HPSE2: variants seen among roughly 807,000 people sequenced by gnomAD.
HPSE2 encodes the protein inactive heparanase-2.
HPSE2 carries 38 observed loss-of-function variants against 60.5 expected under a neutral mutation model. That is an observed-to-expected ratio of 0.63 (90% CI 0.48 to 0.82). HPSE2 has a LOEUF of 0.82. Among genes scored for constraint, HPSE2 ranks in the 40% least tolerant of loss-of-function variants. The probability of loss-of-function intolerance (pLI) is 0.00; values close to 1 mark genes in which losing one functional copy is unlikely to be tolerated. For missense variants in HPSE2, 713 were observed against 740.4 expected, an observed-to-expected ratio of 0.96 and a Z score of 0.43; for synonymous variants, 295 against 293.2, an observed-to-expected ratio of 1.01 and a Z score of -0.06.
At chr10:98,675,208 G>C (rs1266963158) in intron 6 of HPSE2, among the ~76,000 whole-genome samples, 1 of 151,968 alleles carries the variant, frequency 6.6e-6, no homozygotes, top group Non-Finnish European at 1.5e-5. Context: ...ACTTCCCTAA[G>C]GTGTCTGCTT....
intron 5 of HPSE2, among the ~76,000 whole-genome samples, chr10:98,709,532 G>C (rs1948627248): frequency 6.6e-6 from 1 of 152,216 alleles, no homozygotes; most frequent in Non-Finnish European, 1.5e-5. Flanking sequence ...ACAGAAAAGT[G>C]TAAGAGAGGG....
At chr10:98,666,735 T>C (rs1245755097) in intron 6 of HPSE2, among the ~76,000 whole-genome samples, 1 of 152,090 alleles carries the variant, frequency 6.6e-6, no homozygotes, top group Non-Finnish European at 1.5e-5. Context: ...TTGAAACTAA[T>C]GAAAATGGAA....
Position 99,144,308 on chromosome 10 carries a change from C to T in HPSE2, c.540G>A (p.Lys180=). The change falls in exon 3 of 12, where the codon AAG becomes AAA. Residue 180 remains lysine (K), a synonymous_variant. Coordinates refer to ENST00000370552, the MANE Select transcript of HPSE2 (RefSeq NM_021828.5). ...PDVMLELQRE[K]AAQMHLVLLK... Reference sequence around the variant, plus strand: ...GAAGAACCAGATGCATCTGAGCTGCCTTCTCCCTTTGGAGCTCCAGCATAA... The same window carrying T: ...GAAGAACCAGATGCATCTGAGCTGCTTTCTCCCTTTGGAGCTCCAGCATAA... 1 of 1,614,120 alleles carries T rather than the reference C, an allele frequency of 6.2e-7. No homozygotes were observed. Among genetic ancestry groups the T allele is most frequent in the Non-Finnish European group, 8.5e-7 (1 of 1,180,016 alleles).
intron 3 of HPSE2, among the ~76,000 whole-genome samples, chr10:99,085,185 T>C (rs1670381930): frequency 6.6e-6 from 1 of 152,204 alleles, no homozygotes; most frequent in Admixed American, 6.5e-5. Context: ...GAGGGATCTC[T>C]CTTACTAGAT....
At chr10:99,150,785 G>A (rs12779770) in intron 2 of HPSE2, among the ~76,000 whole-genome samples, 7,151 of 151,974 alleles carry the variant, frequency 0.047, 232 homozygotes, top group Non-Finnish European at 0.071. Flanking sequence ...GGGAGGCTAC[G>A]CACAAACATG....
intron 6 of HPSE2, among the ~76,000 whole-genome samples, chr10:98,683,646 AAAAGT>A (rs1461255612): frequency 2.0e-5 from 3 of 151,952 alleles, no homozygotes; most frequent in Non-Finnish European, 4.4e-5. Context: ...AAAAGAGAGG[AAAAGT>A]AAAGAAGAGA....
chr10:98,960,815 T>G (rs1202540085), intron 3 of HPSE2, among the ~76,000 whole-genome samples: 4 of 145,890 alleles, frequency 2.7e-5, no homozygotes, highest in Admixed American at 6.9e-5. Context: ...TGTATACATG[T>G]GCCATGCTGG....
At chr10:98,491,710 G>A (rs1191357696) in intron 9 of HPSE2, among the ~76,000 whole-genome samples, 1 of 152,048 alleles carries the variant, frequency 6.6e-6, no homozygotes, top group African/African-American at 2.4e-5. Context: ...TGTTTCAAGG[G>A]GTATCTCAGG....
At chr10:99,312,517 C>T in the HPSE2 span, among the ~76,000 whole-genome samples, 2 of 152,186 alleles carry the variant, frequency 1.3e-5, no homozygotes, top group East Asian at 1.9e-4. Context: ...CATCTGTTTA[C>T]AGCAAACTTT....
At chr10:98,510,562 C>T (rs1019398528) in intron 9 of HPSE2, among the ~76,000 whole-genome samples, 4 of 152,212 alleles carry the variant, frequency 2.6e-5, no homozygotes, top group Admixed American at 2.6e-4. Context: ...GGACTGTCTA[C>T]ACTGCAGGCC....
intron 9 of HPSE2, among the ~76,000 whole-genome samples, chr10:98,548,241 T>C (rs534325344): frequency 6.6e-6 from 1 of 152,184 alleles, no homozygotes; most frequent in East Asian, 1.9e-4. Flanking sequence ...GATGACTTAG[T>C]GAATGGTGCT....
At chr10:99,275,853 G>A in the HPSE2 span, among the ~76,000 whole-genome samples, 7 of 152,134 alleles carry the variant, frequency 4.6e-5, no homozygotes, top group Non-Finnish European at 8.8e-5. Flanking sequence ...GGGACTGTAA[G>A]AGAACCCTTC....
chr10:99,207,113 CTG>C (rs1394582325), intron 2 of HPSE2, among the ~76,000 whole-genome samples: 2 of 152,062 alleles, frequency 1.3e-5, no homozygotes, highest in East Asian at 3.9e-4. Flanking sequence ...TATCATCAAA[CTG>C]TTAAAAATCA....
intron 3 of HPSE2, among the ~76,000 whole-genome samples, chr10:99,011,118 T>TTTC (rs2135399834): frequency 7.4e-6 from 1 of 134,370 alleles, no homozygotes; most frequent in African/African-American, 2.8e-5. Flanking sequence ...GGTATTTAGT[T>TTTC]TTCTGTTCCT....
the HPSE2 span, among the ~76,000 whole-genome samples, chr10:99,249,840 T>C: frequency 6.6e-6 from 1 of 152,228 alleles, no homozygotes; most frequent in Admixed American, 6.5e-5. Flanking sequence ...TCATGAAATC[T>C]GGTTGTTTAA....
At chr10:99,061,737 T>C (rs1842450859) in intron 3 of HPSE2, among the ~76,000 whole-genome samples, 2 of 152,214 alleles carry the variant, frequency 1.3e-5, no homozygotes, top group Admixed American at 1.3e-4. Flanking sequence ...TACTAGCTGT[T>C]TGAGCTTGGG....
At chr10:99,251,982 T>C in the HPSE2 span, among the ~76,000 whole-genome samples, 25 of 151,666 alleles carry the variant, frequency 1.6e-4, no homozygotes, top group Admixed American at 1.1e-3. Context: ...AAGGCTGCAG[T>C]TGGCCATGAT....
chr10:98,712,776 G>A (rs1020997684), intron 5 of HPSE2, among the ~76,000 whole-genome samples: 3 of 151,980 alleles, frequency 2.0e-5, no homozygotes, highest in Non-Finnish European at 4.4e-5. Flanking sequence ...TTCTAACACA[G>A]GTTCAGGTTA....
At chr10:98,746,095 C>G (rs1311348796) in intron 3 of HPSE2, among the ~76,000 whole-genome samples, 2 of 137,032 alleles carry the variant, frequency 1.5e-5, no homozygotes, top group Non-Finnish European at 3.3e-5. Flanking sequence ...ATATCATACT[C>G]TACCCAGAAA....
Sources: allele counts gnomAD v4.1 joint callset (sites outside exome capture counted in the v4.1 genomes callset), GRCh38; gene constraint gnomAD v4.1.1; transcripts MANE v1.5; gene names NCBI Gene and HGNC (gene_info 2026-07-23, HGNC 2026-07-21).